The following LRRC4C variants were observed in gnomAD, a reference collection of about 807,000 sequenced individuals.
LRRC4C encodes leucine-rich repeat-containing protein 4C.
LRRC4C carries 5 observed loss-of-function variants against 33.6 expected under a neutral mutation model. The observed-to-expected ratio is 0.15, with a 90% CI of 0.08 to 0.31. LRRC4C has a LOEUF of 0.31. Among genes scored for constraint, LRRC4C ranks in the 10% least tolerant of loss-of-function variants. The pLI is 1.00. For synonymous variants in LRRC4C, 329 were observed against 302.0 expected (o/e 1.09, Z -0.93); for missense variants, 560 against 796.7 (o/e 0.70, Z 3.58).
intron 2 of LRRC4C, among the ~76,000 whole-genome samples, chr11:40,666,534 A>G (rs1370105103): frequency 1.3e-5 from 2 of 152,130 alleles, no homozygotes; most frequent in East Asian, 1.9e-4. Context: ...ACATGTGGCT[A>G]TATGTTTGCA....
intron 1 of LRRC4C, among the ~76,000 whole-genome samples, chr11:41,164,814 A>T (rs1216654448): frequency 6.6e-6 from 1 of 152,128 alleles, no homozygotes; most frequent in Non-Finnish European, 1.5e-5. Flanking sequence ...GAACACCAAG[A>T]TCTGTGCTAA....
chr11:40,801,555 G>A (rs992592949), intron 2 of LRRC4C, among the ~76,000 whole-genome samples: 2 of 152,126 alleles, frequency 1.3e-5, no homozygotes, highest in Admixed American at 1.3e-4. Flanking sequence ...TATCCTTTGA[G>A]TTCAATGCAT....
At chr11:40,955,445 A>C (rs1958913238) in intron 1 of LRRC4C, among the ~76,000 whole-genome samples, 1 of 151,822 alleles carries the variant, frequency 6.6e-6, no homozygotes, top group African/African-American at 2.4e-5. Flanking sequence ...GGAAAAACAC[A>C]AAAATTGAAA....
chr11:40,197,039 T>C (rs999855780), intron 5 of LRRC4C, among the ~76,000 whole-genome samples: 5 of 152,138 alleles, frequency 3.3e-5, no homozygotes, highest in Admixed American at 1.3e-4. Context: ...TTGCACCAAA[T>C]AGGTAAAACA....
intron 3 of LRRC4C, among the ~76,000 whole-genome samples, chr11:40,644,951 T>TTC (rs1942356596): frequency 6.6e-6 from 1 of 152,032 alleles, no homozygotes; most frequent in South Asian, 2.1e-4. Flanking sequence ...TCTGTGTTTT[T>TTC]TTTTTTTACA....
chr11:40,683,389 G>C (rs554331743), intron 2 of LRRC4C, among the ~76,000 whole-genome samples: 1 of 152,252 alleles, frequency 6.6e-6, no homozygotes, highest in East Asian at 1.9e-4. Context: ...GCCTAATATA[G>C]TATTCATATT....
chr11:40,179,122 G>A (rs549190969), intron 5 of LRRC4C, among the ~76,000 whole-genome samples: 43 of 150,720 alleles, frequency 2.9e-4, no homozygotes, highest in Non-Finnish European at 5.5e-4. Flanking sequence ...TTCTTGCCTC[G>A]TCCTCCCAAG....
At chr11:40,333,174 T>C (rs747576642) in intron 3 of LRRC4C, among the ~76,000 whole-genome samples, 6 of 152,212 alleles carry the variant, frequency 3.9e-5, no homozygotes, top group Non-Finnish European at 5.9e-5. Context: ...CCTCTTGCTA[T>C]AATCAAACAA....
chr11:41,039,326 T>G (rs899311874), intron 1 of LRRC4C, among the ~76,000 whole-genome samples: 21 of 152,334 alleles, frequency 1.4e-4, no homozygotes, highest in Middle Eastern at 6.8e-3. Flanking sequence ...CATAAATATC[T>G]GCATGACCTT....
chr11:41,318,167 G>A (rs780989092), intron 1 of LRRC4C, among the ~76,000 whole-genome samples: 4 of 152,080 alleles, frequency 2.6e-5, no homozygotes, highest in Admixed American at 1.3e-4. Flanking sequence ...TCCCAAAGAA[G>A]AATGATCAAT....
intron 3 of LRRC4C, among the ~76,000 whole-genome samples, chr11:40,585,305 TG>T (rs1396274422): frequency 1.3e-5 from 2 of 152,056 alleles, no homozygotes; most frequent in Non-Finnish European, 2.9e-5. Flanking sequence ...TCTCCTAAAA[TG>T]CTAGATGTGT....
chr11:40,503,930 T>C (rs183462820), intron 3 of LRRC4C, among the ~76,000 whole-genome samples: 1 of 152,254 alleles, frequency 6.6e-6, no homozygotes, highest in African/African-American at 2.4e-5. Context: ...CCTGGTCAGC[T>C]ATAAACTCAC....
At chr11:41,098,545 A>G (rs895134374) in intron 1 of LRRC4C, among the ~76,000 whole-genome samples, 1 of 152,184 alleles carries the variant, frequency 6.6e-6, no homozygotes, top group African/African-American at 2.4e-5. Flanking sequence ...TAAACATTCC[A>G]GAATAAAATA....
intron 1 of LRRC4C, among the ~76,000 whole-genome samples, chr11:41,404,283 T>C (rs1393431743): frequency 6.6e-6 from 1 of 151,980 alleles, no homozygotes; most frequent in Non-Finnish European, 1.5e-5. Context: ...GGCAAGAGCT[T>C]CTGATTAATT....
At chr11:40,696,479 T>C (rs1017124227) in intron 2 of LRRC4C, among the ~76,000 whole-genome samples, 1 of 148,680 alleles carries the variant, frequency 6.7e-6, no homozygotes, top group African/African-American at 2.5e-5. Context: ...TAAATGCTGT[T>C]TTTGTATTTA....
intron 1 of LRRC4C, among the ~76,000 whole-genome samples, chr11:41,062,114 T>C (rs982941251): frequency 6.6e-6 from 1 of 152,264 alleles, no homozygotes; most frequent in Non-Finnish European, 1.5e-5. Flanking sequence ...CTTATTATAA[T>C]TTCAGCATTA....
At chr11:40,274,721 G>C (rs754813740) in intron 4 of LRRC4C, among the ~76,000 whole-genome samples, 2 of 152,042 alleles carry the variant, frequency 1.3e-5, no homozygotes, top group African/African-American at 4.8e-5. Context: ...ATACCAGAGA[G>C]CATCACAGAC....
intron 1 of LRRC4C, among the ~76,000 whole-genome samples, chr11:41,013,414 T>C (rs1855353396): frequency 6.6e-6 from 1 of 152,234 alleles, no homozygotes; most frequent in Non-Finnish European, 1.5e-5. Flanking sequence ...ACTGGCTTTC[T>C]GTTCTCCCAA....
chr11:41,454,047 C>T lies in LRRC4C; in HGVS notation c.-496+5384G>A, dbSNP rs150800752. Among the ~76,000 whole-genome samples, 79 of 152,118 alleles carry T rather than the reference C, an allele frequency of 5.2e-4. No homozygotes were observed. In the East Asian group the frequency reaches 0.015, roughly 29 times the overall value. On this transcript the variant is annotated intron_variant, in intron 1 of 6. Transcript: ENST00000528697. ...ACAAAGTCATAAAGCAGACTTCATCCATTCATTTTAAGGATAAAAAGAACC... is the reference window on the plus strand; with the variant it reads ...ACAAAGTCATAAAGCAGACTTCATCTATTCATTTTAAGGATAAAAAGAACC...
Sources: allele counts gnomAD v4.1 joint callset (sites outside exome capture counted in the v4.1 genomes callset), GRCh38; gene constraint gnomAD v4.1.1; transcripts MANE v1.5; gene names NCBI Gene and HGNC (gene_info 2026-07-23, HGNC 2026-07-21).